IL16: variants seen among roughly 807,000 people sequenced by gnomAD.
The protein encoded by IL16 is pro-interleukin-16.
In IL16, 67 loss-of-function variants were observed where a neutral mutation model predicts 110.1. The ratio of observed to expected loss-of-function variants is 0.61; its 90% CI spans 0.50 to 0.75. The LOEUF (loss-of-function observed/expected upper bound fraction) is 0.75. Among genes scored for constraint, IL16 ranks in the 30% least tolerant of loss-of-function variants. The pLI, the probability that IL16 is intolerant of heterozygous loss-of-function variation, is 0.00. For missense variants in IL16, 1,545 were observed against 1,655.0 expected, an observed-to-expected ratio of 0.93 and a Z score of 1.15; for synonymous variants, 689 against 662.9, an observed-to-expected ratio of 1.04 and a Z score of -0.61.
intron 2 of IL16, among the ~76,000 whole-genome samples, chr15:81,231,196 C>CAACAT (rs1435892737): frequency 6.6e-6 from 1 of 151,588 alleles, no homozygotes; most frequent in Non-Finnish European, 1.5e-5. Context: ...CATAACATAG[C>CAACAT]AACATAACAT....
chr15:81,288,020 G>A (rs1000737473), intron 10 of IL16, among the ~76,000 whole-genome samples: 6 of 152,246 alleles, frequency 3.9e-5, no homozygotes, highest in Non-Finnish European at 5.9e-5. Context: ...CTTAAGGAAT[G>A]TGCATTCTCC....
At chr15:81,199,503 T>A (rs950061917) in intron 1 of IL16, among the ~76,000 whole-genome samples, 6 of 152,226 alleles carry the variant, frequency 3.9e-5, no homozygotes, top group African/African-American at 1.4e-4. Flanking sequence ...CTGGTAATGC[T>A]GGACAGTGAC....
intron 2 of IL16, among the ~76,000 whole-genome samples, chr15:81,252,207 G>A (rs1162573422): frequency 6.6e-6 from 1 of 152,202 alleles, no homozygotes; most frequent in East Asian, 1.9e-4. Flanking sequence ...CTGGTAGGAA[G>A]TGGACTAACA....
intron 5 of IL16, among the ~76,000 whole-genome samples, chr15:81,269,865 G>A (rs935743116): frequency 6.6e-6 from 1 of 152,196 alleles, no homozygotes; most frequent in Non-Finnish European, 1.5e-5. Flanking sequence ...TCTTGTAAAG[G>A]ATGCCAGTCC....
intron 1 of IL16, among the ~76,000 whole-genome samples, chr15:81,214,710 T>A (rs964963828): frequency 6.6e-6 from 1 of 152,204 alleles, no homozygotes; most frequent in South Asian, 2.1e-4. Context: ...TATCCTCAAA[T>A]GTATTTTCCA....
At chr15:81,296,723 C>T (rs1056377066) in intron 12 of IL16, among the ~76,000 whole-genome samples, 6 of 152,212 alleles carry the variant, frequency 3.9e-5, no homozygotes, top group Non-Finnish European at 7.3e-5. Flanking sequence ...TGCTGGAAGT[C>T]AAGGGATGCT....
chr15:81,219,791 A>G (rs2142018002), intron 1 of IL16, among the ~76,000 whole-genome samples: 1 of 152,262 alleles, frequency 6.6e-6, no homozygotes, highest in South Asian at 2.1e-4. Context: ...GGTTTCCTTG[A>G]GAACACTTCA....
intron 2 of IL16, among the ~76,000 whole-genome samples, chr15:81,231,435 T>C (rs1001048231): frequency 1.4e-5 from 2 of 146,942 alleles, no homozygotes; most frequent in African/African-American, 5.0e-5. Flanking sequence ...TGCAATGGCA[T>C]GAACATGGGC....
chr15:81,273,026 G>C, intron 5 of IL16, 64 bp from the exon 6 acceptor site: 6 of 1,294,204 alleles, frequency 4.6e-6, no homozygotes, highest in Non-Finnish European at 6.7e-6. Flanking sequence ...CCCTCAGAAG[G>C]CATCAGGCCA....
chr15:81,294,876 T>G (rs1899910667), intron 12 of IL16, among the ~76,000 whole-genome samples: 1 of 152,118 alleles, frequency 6.6e-6, no homozygotes, highest in African/African-American at 2.4e-5. Context: ...TCACTGGATG[T>G]TTTCTTCCGT....
chr15:81,231,190 A>G (rs953706304), intron 2 of IL16, among the ~76,000 whole-genome samples: 5 of 151,914 alleles, frequency 3.3e-5, no homozygotes, highest in African/African-American at 9.7e-5. Flanking sequence ...CAATAACATA[A>G]CATAGCAACA....
At chr15:81,207,246 CAA>C (rs60442931) in intron 1 of IL16, among the ~76,000 whole-genome samples, 18,366 of 102,800 alleles carry the variant, frequency 0.18, 2,604 homozygotes, top group African/African-American at 0.43. Context: ...TCAAAAAAAA[CAA>C]AAAAAAAAAA....
intron 5 of IL16, among the ~76,000 whole-genome samples, chr15:81,271,397 C>T (rs899994483): frequency 1.6e-4 from 24 of 152,076 alleles, no homozygotes; most frequent in Admixed American, 9.8e-4. Flanking sequence ...TGCTTGAGTC[C>T]GGGAATTTGA....
intron 4 of IL16, among the ~76,000 whole-genome samples, chr15:81,268,457 G>A (rs1399202915): frequency 6.6e-6 from 1 of 152,266 alleles, no homozygotes; most frequent in African/African-American, 2.4e-5. Context: ...CTAATTCATA[G>A]CAACAGGATG....
chr15:81,308,564 C>G, intron 18 of IL16, 41 bp from the exon 19 acceptor site: 1 of 1,474,236 alleles, frequency 6.8e-7, no homozygotes, highest in Non-Finnish European at 9.2e-7. Flanking sequence ...TTCCTTGTTC[C>G]CCATCATCTG....
chr15:81,231,424 A>T (rs1429075803), intron 2 of IL16, among the ~76,000 whole-genome samples: 3 of 143,934 alleles, frequency 2.1e-5, no homozygotes, highest in Non-Finnish European at 4.5e-5. Flanking sequence ...CCAGGCTGGG[A>T]TGCAATGGCA....
chr15:81,258,758 T>TCG (rs1311311359), intron 2 of IL16, among the ~76,000 whole-genome samples: 2 of 146,750 alleles, frequency 1.4e-5, no homozygotes, highest in African/African-American at 2.6e-5. Context: ...TGTCACTCGC[T>TCG]CTCTCTCTCT....
intron 1 of IL16, among the ~76,000 whole-genome samples, chr15:81,201,004 A>C (rs1055245215): frequency 1.3e-5 from 2 of 152,012 alleles, no homozygotes; most frequent in Non-Finnish European, 2.9e-5. Flanking sequence ...GTTGTAGCCA[A>C]CTCCAGCCAA....
At chr15:81,245,677 A>G (rs139693262) in intron 2 of IL16, among the ~76,000 whole-genome samples, 1 of 143,680 alleles carries the variant, frequency 7.0e-6, no homozygotes, top group African/African-American at 2.7e-5. Flanking sequence ...CTCGCTGAAC[A>G]GTCCCTTCAT....
Sources: gnomAD v4.1 joint callset for allele counts (sites outside exome capture counted in the v4.1 genomes callset) on GRCh38, gnomAD v4.1.1 for gene constraint, MANE v1.5 for transcripts, NCBI Gene and HGNC (gene_info 2026-07-23, HGNC 2026-07-21) for gene names.